ZNF385D: variants seen among roughly 807,000 people sequenced by gnomAD.
ZNF385D encodes the protein zinc finger protein 385D.
Under a neutral mutation model 35.8 loss-of-function variants are expected in ZNF385D, and 15 were observed. The ratio of observed to expected loss-of-function variants is 0.42; its 90% confidence interval spans 0.28 to 0.64. ZNF385D has a LOEUF of 0.64. Among genes scored for constraint, ZNF385D ranks in the 30% least tolerant of loss-of-function variants. The pLI, the probability that ZNF385D is intolerant of heterozygous loss-of-function variation, is 0.23. For missense variants in ZNF385D, 474 were observed against 494.6 expected, an observed-to-expected ratio of 0.96 and a Z score of 0.39; for synonymous variants, 212 against 186.8, an observed-to-expected ratio of 1.13 and a Z score of -1.10.
chr3:21,898,069 G>A (rs567529827), intron 3 of ZNF385D, among the ~76,000 whole-genome samples: 33 of 152,010 alleles, frequency 2.2e-4, no homozygotes, highest in South Asian at 6.2e-4. Context: ...TTTTTGTATC[G>A]TCAAATGTTA....
intron 4 of ZNF385D, among the ~76,000 whole-genome samples, chr3:21,475,849 T>G (rs1440923305): frequency 1.3e-5 from 2 of 152,154 alleles, no homozygotes; most frequent in Non-Finnish European, 2.9e-5. Flanking sequence ...AAAATCTTTT[T>G]TTTTTCTATT....
At chr3:21,511,134 A>G in intron 3 of ZNF385D, 111 bp from the exon 4 acceptor site, 2 of 1,372,574 alleles carry the variant, frequency 1.5e-6, no homozygotes, top group Non-Finnish European at 2.0e-6. Context: ...ATTCGAGCTA[A>G]TTCTGGCCGT....
intron 3 of ZNF385D, among the ~76,000 whole-genome samples, chr3:21,563,076 T>G: frequency 6.6e-6 from 1 of 151,508 alleles, no homozygotes; most frequent in East Asian, 1.9e-4. Flanking sequence ...GTTGAGATTC[T>G]GACCCCCAAG....
intron 2 of ZNF385D, among the ~76,000 whole-genome samples, chr3:21,648,475 A>C (rs1459193021): frequency 1.3e-5 from 2 of 152,188 alleles, no homozygotes; most frequent in Non-Finnish European, 2.9e-5. Flanking sequence ...TAGGACATGT[A>C]GGCAGTTCTT....
intron 3 of ZNF385D, among the ~76,000 whole-genome samples, chr3:21,971,464 CAA>C (rs139604339): frequency 6.7e-6 from 1 of 149,212 alleles, no homozygotes; most frequent in African/African-American, 2.5e-5. Flanking sequence ...AATCTCAAAT[CAA>C]AAAAAATAAT....
intron 2 of ZNF385D, among the ~76,000 whole-genome samples, chr3:22,369,278 G>T (rs1696793478): frequency 6.6e-6 from 1 of 152,146 alleles, no homozygotes; most frequent in African/African-American, 2.4e-5. Flanking sequence ...TAGTCCTATT[G>T]TTTGAATATG....
chr3:21,632,280 A>C (rs1191314863), intron 2 of ZNF385D, among the ~76,000 whole-genome samples: 2 of 152,152 alleles, frequency 1.3e-5, no homozygotes, highest in South Asian at 2.1e-4. Context: ...ATATAGAAAA[A>C]TAATACTAGA....
At chr3:22,161,710 C>T (rs1430008328) in intron 3 of ZNF385D, among the ~76,000 whole-genome samples, 1 of 152,112 alleles carries the variant, frequency 6.6e-6, no homozygotes, top group Non-Finnish European at 1.5e-5. Flanking sequence ...ATTTACATGA[C>T]TATTTTATTC....
At chr3:21,723,406 A>G (rs974631029) in intron 1 of ZNF385D, among the ~76,000 whole-genome samples, 2 of 152,220 alleles carry the variant, frequency 1.3e-5, no homozygotes, top group African/African-American at 4.8e-5. Flanking sequence ...GAACCTTGAA[A>G]AAAGGTTAGA....
chr3:21,873,760 C>T (rs1326012736), intron 3 of ZNF385D, among the ~76,000 whole-genome samples: 1 of 152,118 alleles, frequency 6.6e-6, no homozygotes, highest in Non-Finnish European at 1.5e-5. Flanking sequence ...TGGTTTATTT[C>T]ACTTAGCATA....
chr3:21,452,436 G>A (rs4858326), intron 4 of ZNF385D, among the ~76,000 whole-genome samples: 42,013 of 151,766 alleles, frequency 0.28, 6,467 homozygotes, highest in East Asian at 0.43. Context: ...ATTAAGGAGG[G>A]GGAGAAAACA....
chr3:21,723,270 A>C (rs2068615409), intron 1 of ZNF385D, among the ~76,000 whole-genome samples: 1 of 152,220 alleles, frequency 6.6e-6, no homozygotes, highest in Admixed American at 6.5e-5. Flanking sequence ...ACTCCTCGCC[A>C]GCAAGGAAAC....
intron 4 of ZNF385D, among the ~76,000 whole-genome samples, chr3:21,458,907 A>T (rs138089951): frequency 5.5e-4 from 83 of 152,278 alleles, no homozygotes; most frequent in African/African-American, 1.9e-3. Flanking sequence ...TACTAAAACC[A>T]GTTAATTGTA....
intron 3 of ZNF385D, among the ~76,000 whole-genome samples, chr3:21,805,176 T>G (rs991640970): frequency 6.6e-6 from 1 of 152,214 alleles, no homozygotes; most frequent in Non-Finnish European, 1.5e-5. Flanking sequence ...TAGATGCAGT[T>G]AATTTAAGAG....
At chr3:21,466,046 C>T (rs1012398424) in intron 4 of ZNF385D, among the ~76,000 whole-genome samples, 1 of 152,146 alleles carries the variant, frequency 6.6e-6, no homozygotes, top group African/African-American at 2.4e-5. Context: ...GGAATGCACC[C>T]GATTTTGTCT....
chr3:22,307,993 A>G (rs1156255110), intron 2 of ZNF385D, among the ~76,000 whole-genome samples: 3 of 152,100 alleles, frequency 2.0e-5, no homozygotes, highest in Non-Finnish European at 4.4e-5. Context: ...TAATACATAC[A>G]TAATCAAATT....
At chr3:21,898,901 C>G (rs1575865387) in intron 3 of ZNF385D, among the ~76,000 whole-genome samples, 1 of 152,126 alleles carries the variant, frequency 6.6e-6, no homozygotes, top group Non-Finnish European at 1.5e-5. Context: ...ACAGGAAAAT[C>G]TTTCTGAGGA....
At chr3:21,910,414 A>G (rs77383763) in intron 3 of ZNF385D, among the ~76,000 whole-genome samples, 8,438 of 152,092 alleles carry the variant, frequency 0.055, 396 homozygotes, top group South Asian at 0.21. Context: ...CAAAATGAAG[A>G]GAGCCTTTGC....
intron 2 of ZNF385D, among the ~76,000 whole-genome samples, chr3:22,316,225 C>G (rs1186590621): frequency 6.6e-6 from 1 of 152,136 alleles, no homozygotes; most frequent in Non-Finnish European, 1.5e-5. Context: ...GCCTGCCAAC[C>G]AAATTTTCCA....
Sources: allele counts gnomAD v4.1 joint callset (sites outside exome capture counted in the v4.1 genomes callset), GRCh38; gene constraint gnomAD v4.1.1; transcripts MANE v1.5; gene names NCBI Gene and HGNC (gene_info 2026-07-23, HGNC 2026-07-21).